The following ASAP1 variants were observed in gnomAD, a reference collection of about 807,000 sequenced individuals.
ASAP1 encodes arf-GAP with SH3 domain, ANK repeat and PH domain-containing protein 1.
ASAP1 carries 43 observed loss-of-function variants against 145.2 expected under a neutral mutation model. That is an observed-to-expected ratio of 0.30 (90% CI 0.23 to 0.38). The LOEUF is 0.38. Among genes scored for constraint, ASAP1 ranks in the 10% least tolerant of loss-of-function variants. The pLI is 1.00. For synonymous variants in ASAP1, 546 were observed against 515.5 expected, an observed-to-expected ratio of 1.06 and a Z score of -0.80; for missense variants, 1,018 against 1,355.3, an observed-to-expected ratio of 0.75 and a Z score of 3.91.
intron 3 of ASAP1, among the ~76,000 whole-genome samples, chr8:130,291,928 A>C (rs1008479822): frequency 1.3e-5 from 2 of 152,208 alleles, no homozygotes; most frequent in African/African-American, 4.8e-5. Flanking sequence ...TAAAAACTGC[A>C]GCTGCGCCTG....
rs927607414 is a variant in ASAP1, at chr8:130,057,934, G to T, written c.3315+20C>A. 1 of 1,612,972 alleles carries T rather than the reference G, an allele frequency of 6.2e-7. No individual in the cohort carries two copies. Among genetic ancestry groups the T allele is most frequent in the South Asian group, 1.1e-5 (1 of 91,078 alleles). Reference sequence around the variant, plus strand: ...TGCTGTATGAATGTACGGATGAAGTGGATGGATATTCGTACGTACCCACCA... The same window carrying T: ...TGCTGTATGAATGTACGGATGAAGTTGATGGATATTCGTACGTACCCACCA... On this transcript the variant is annotated intron_variant, in intron 29 of 29. Coordinates refer to ENST00000518721, the MANE Select transcript of ASAP1 (RefSeq NM_018482.4).
At chr8:130,104,615 C>CA (rs1165255445) in intron 24 of ASAP1, among the ~76,000 whole-genome samples, 1 of 152,150 alleles carries the variant, frequency 6.6e-6, no homozygotes, top group Non-Finnish European at 1.5e-5. Context: ...AAACTGCTGG[C>CA]AAGTATACCC....
intron 2 of ASAP1, among the ~76,000 whole-genome samples, chr8:130,392,816 G>A (rs1828345155): frequency 6.6e-6 from 1 of 152,088 alleles, no homozygotes; most frequent in Admixed American, 6.6e-5. Flanking sequence ...GAGGGGCTGG[G>A]ATCTTTTAAA....
At chr8:130,381,482 G>T (rs554634880) in intron 2 of ASAP1, among the ~76,000 whole-genome samples, 8 of 152,272 alleles carry the variant, frequency 5.3e-5, no homozygotes, top group African/African-American at 1.9e-4. Flanking sequence ...ATTCAGACTA[G>T]CCATATTTTA....
At chr8:130,255,357 A>G (rs189743413) in intron 3 of ASAP1, among the ~76,000 whole-genome samples, 1 of 152,236 alleles carries the variant, frequency 6.6e-6, no homozygotes, top group Admixed American at 6.5e-5. Flanking sequence ...TGGCTTCCTA[A>G]CTTGTTCATG....
intron 2 of ASAP1, chr8:130,361,876 T>C (rs1826727677): frequency 1.0e-5 from 8 of 768,954 alleles, no homozygotes; most frequent in South Asian, 7.3e-5. Context: ...AGGAAAAATG[T>C]GCGCACACAC....
intron 3 of ASAP1, among the ~76,000 whole-genome samples, chr8:130,352,212 G>GTT (rs11420981): frequency 0.16 from 22,544 of 139,592 alleles, 1,976 homozygotes; most frequent in South Asian, 0.35. Context: ...CTTCCTAAGG[G>GTT]TTTTTTTTTT....
intron 4 of ASAP1, among the ~76,000 whole-genome samples, chr8:130,223,501 ATT>A (rs1282647564): frequency 6.6e-6 from 1 of 152,168 alleles, no homozygotes. Flanking sequence ...TAAACATGGT[ATT>A]TTTTGGAGGA....
chr8:130,331,451 G>C (rs1824684192), intron 3 of ASAP1, among the ~76,000 whole-genome samples: 1 of 152,166 alleles, frequency 6.6e-6, no homozygotes, highest in South Asian at 2.1e-4. Context: ...AAGAAAACGG[G>C]CCCAGAATGT....
At chr8:130,374,162 T>A (rs1056899785) in intron 2 of ASAP1, among the ~76,000 whole-genome samples, 2 of 151,984 alleles carry the variant, frequency 1.3e-5, no homozygotes, top group Non-Finnish European at 2.9e-5. Context: ...AAGAATCAAC[T>A]TAGACATACT....
intron 2 of ASAP1, among the ~76,000 whole-genome samples, chr8:130,397,285 C>T (rs544683680): frequency 1.3e-3 from 195 of 152,200 alleles, no homozygotes; most frequent in Non-Finnish European, 2.3e-3. Flanking sequence ...GGACTACAGG[C>T]GCCCACCACC....
intron 27 of ASAP1, among the ~76,000 whole-genome samples, chr8:130,071,048 A>AGAGAGAGAGAG (rs2097445313): frequency 1.7e-4 from 10 of 59,326 alleles, no homozygotes; most frequent in Non-Finnish European, 1.9e-4. Flanking sequence ...GAGAGAGAGA[A>AGAGAGAGAGAG]AGCAGAGTTT....
chr8:130,324,151 AGGAAGATCTGGAC>A (rs1158670478), intron 3 of ASAP1, among the ~76,000 whole-genome samples: 4 of 152,214 alleles, frequency 2.6e-5, no homozygotes, highest in African/African-American at 9.6e-5. Context: ...GTTTCTAATC[AGGAAGATCTGGAC>A]GGTTCTGGCA....
intron 1 of ASAP1, among the ~76,000 whole-genome samples, chr8:130,419,063 G>A (rs184320778): frequency 1.8e-4 from 27 of 152,272 alleles, no homozygotes; most frequent in African/African-American, 5.8e-4. Context: ...TGCAGCCAGG[G>A]CAGGGACCCT....
chr8:130,099,816 G>T (rs2097525581), intron 24 of ASAP1, among the ~76,000 whole-genome samples: 1 of 151,344 alleles, frequency 6.6e-6, no homozygotes, highest in South Asian at 2.1e-4. Context: ...TGGGATTACA[G>T]ATGTGAGTCA....
chr8:130,402,169 T>C (rs768471940), intron 1 of ASAP1, among the ~76,000 whole-genome samples, 199 bp from the exon 2 acceptor site: 6 of 152,218 alleles, frequency 3.9e-5, no homozygotes, highest in Non-Finnish European at 7.4e-5. Flanking sequence ...ACCTCCATCA[T>C]TGAATCTCTG....
chr8:130,059,987 AG>A (rs1249093734), intron 28 of ASAP1, among the ~76,000 whole-genome samples: 2 of 148,220 alleles, frequency 1.3e-5, no homozygotes, highest in Non-Finnish European at 3.0e-5. Flanking sequence ...CTGAGGTAAG[AG>A]GATCACCTGA....
At chr8:130,114,919 T>C (rs1007043687) in intron 23 of ASAP1, among the ~76,000 whole-genome samples, 1 of 152,026 alleles carries the variant, frequency 6.6e-6, no homozygotes, top group Non-Finnish European at 1.5e-5. Context: ...CACCACGTTT[T>C]ATTGATTGAT....
intron 2 of ASAP1, among the ~76,000 whole-genome samples, chr8:130,368,174 T>TA (rs1827048881): frequency 6.6e-6 from 1 of 152,198 alleles, no homozygotes; most frequent in Non-Finnish European, 1.5e-5. Context: ...GCTCTGGCCT[T>TA]AGAGGTTGAG....
Sources: allele counts gnomAD v4.1 joint callset (sites outside exome capture counted in the v4.1 genomes callset), GRCh38; gene constraint gnomAD v4.1.1; transcripts MANE v1.5; gene names NCBI Gene and HGNC (gene_info 2026-07-23, HGNC 2026-07-21).